The following PCDHGA1 variants were observed in gnomAD, a reference collection of about 807,000 sequenced individuals.
The protein encoded by PCDHGA1 is protocadherin gamma-A1.
Under a neutral mutation model 58.0 loss-of-function variants are expected in PCDHGA1, and 32 were observed. The observed-to-expected ratio is 0.55, with a 90% CI of 0.42 to 0.74. The LOEUF (loss-of-function observed/expected upper bound fraction) is 0.74, where lower values mean the gene tolerates loss of function less well. Among genes scored for constraint, PCDHGA1 ranks in the 30% least tolerant of loss-of-function variants. PCDHGA1 has a pLI of 0.00. For missense variants in PCDHGA1, 1,205 were observed against 1,182.3 expected (o/e 1.02, Z -0.28); for synonymous variants, 498 against 501.1 (o/e 0.99, Z 0.08).
Position 141,376,227 on chromosome 5 carries a change from G to T in PCDHGA1, c.2421+43122G>T, listed in dbSNP as rs1210093854. On this transcript the variant is annotated intron_variant, in intron 1 of 3. Coordinates refer to ENST00000517417, the MANE Select transcript of PCDHGA1 (RefSeq NM_018912.3). ...TTCGTCATCGTGCTGCTGGCGCTCA[G>T]ACTGCAGCGCTGGCACAAGTCACGC... The T allele has an allele frequency of 4.3e-6, 7 of 1,614,216 alleles. No homozygotes were observed. The South Asian group carries it at 7.7e-5, about 18-fold the overall frequency.
At chr5:141,365,068 G>C in intron 1 of PCDHGA1, 1 of 1,613,812 alleles carries the variant, frequency 6.2e-7, no homozygotes, top group South Asian at 1.1e-5. Flanking sequence ...CCCCATCCGA[G>C]TACAGCGTGA....
intron 1 of PCDHGA1, 133 bp downstream of exon 1, chr5:141,333,238 C>A (rs570890793): frequency 2.3e-6 from 3 of 1,319,250 alleles, no homozygotes; most frequent in African/African-American, 3.0e-5. Flanking sequence ...ACAAGTCCTG[C>A]AAAATCACGA....
At chr5:141,383,401 CAG>C (rs1246270441) in intron 1 of PCDHGA1, 1 of 1,614,016 alleles carries the variant, frequency 6.2e-7, no homozygotes. Context: ...GAACTCCCTC[CAG>C]AGTTACCAGC....
chr5:141,456,701 G>A lies in PCDHGA1; in HGVS notation c.2422-38106G>A, dbSNP rs370086323. ...CATTACTGGCCAGGCGTGGTGGCTC[G>A]CGCCTGTAATCCCAGCACTTTGGGA... On this transcript the variant is annotated intron_variant, in intron 1 of 3. Transcript: ENST00000517417. 2.3e-4 allele frequency among the ~76,000 whole-genome samples: 35 copies of A among 152,106 alleles called. No homozygotes were observed. The South Asian group carries it at 4.8e-3, about 21-fold the overall frequency.
chr5:141,506,870 G>A (rs2099856877), intron 3 of PCDHGA1, among the ~76,000 whole-genome samples: 1 of 152,166 alleles, frequency 6.6e-6, no homozygotes, highest in East Asian at 1.9e-4. Flanking sequence ...GGTGGGTAGA[G>A]AACCAGGTGA....
chr5:141,384,652 G>T (rs372721131), intron 1 of PCDHGA1: 1 of 1,614,228 alleles, frequency 6.2e-7, no homozygotes, highest in South Asian at 1.1e-5. Context: ...CGCAGAGCCC[G>T]GCTACCTGGT....
intron 1 of PCDHGA1, chr5:141,366,190 G>T (rs758700678): frequency 3.1e-6 from 5 of 1,613,816 alleles, no homozygotes; most frequent in African/African-American, 1.3e-5. Context: ...TTGCGGTTGG[G>T]CTGCACACGG....
intron 1 of PCDHGA1, among the ~76,000 whole-genome samples, chr5:141,450,088 C>T (rs1358812478): frequency 1.3e-5 from 2 of 148,484 alleles, no homozygotes; most frequent in East Asian, 2.0e-4. Context: ...CTCACTGCAA[C>T]CTCCGCCTCC....
chr5:141,407,981 C>G, intron 1 of PCDHGA1: 4 of 770,010 alleles, frequency 5.2e-6, no homozygotes, highest in Non-Finnish European at 7.8e-6. Flanking sequence ...GCCGGGGATC[C>G]GTCAGCCTCT....
chr5:141,483,811 C>A (rs1252197546), intron 1 of PCDHGA1, among the ~76,000 whole-genome samples: 1 of 152,102 alleles, frequency 6.6e-6, no homozygotes, highest in Non-Finnish European at 1.5e-5. Flanking sequence ...CTTTTTTTGG[C>A]AGCCAGTGTA....
chr5:141,396,295 AG>A (rs1561657375), intron 1 of PCDHGA1: 1 of 151,978 alleles, frequency 6.6e-6, no homozygotes, highest in African/African-American at 2.4e-5. Flanking sequence ...ACTCCAGCCT[AG>A]GTGGCAGAAC....
chr5:141,506,266 T>A (rs1397052417), intron 3 of PCDHGA1, among the ~76,000 whole-genome samples: 1 of 151,862 alleles, frequency 6.6e-6, no homozygotes, highest in Non-Finnish European at 1.5e-5. Context: ...CTGGCCAACA[T>A]AGTGAAACCC....
In PCDHGA1 at chr5:141,491,552, G is replaced by A. The variant is rs769927075; in HGVS notation, c.2422-3255G>A. 1 of 1,614,008 alleles carries A rather than the reference G, an allele frequency of 6.2e-7. No individual in the cohort carries two copies. The highest frequency in any genetic ancestry group is 1.7e-5 in the Admixed American group (1 of 60,024). On this transcript the variant is annotated intron_variant, in intron 1 of 3. Coordinates refer to ENST00000517417, the MANE Select transcript of PCDHGA1 (RefSeq NM_018912.3). This position sits in a 1 kb window ranked among gnomAD's most constrained non-coding sequence, Gnocchi z 6.9. Reference sequence around the variant, plus strand: ...ACGCTGCGGCCCACAGACTCGCAGAGCCACTGCTACAGGACGTGCTTTTCA... The same window carrying A: ...ACGCTGCGGCCCACAGACTCGCAGAACCACTGCTACAGGACGTGCTTTTCA...
chr5:141,434,938 A>G (rs938787407), intron 1 of PCDHGA1, among the ~76,000 whole-genome samples: 2 of 151,738 alleles, frequency 1.3e-5, no homozygotes, highest in Admixed American at 1.3e-4. Flanking sequence ...TATATAATAG[A>G]TATAATTTAT....
At chr5:141,446,208 G>GAT (rs1387839424) in intron 1 of PCDHGA1, among the ~76,000 whole-genome samples, 1 of 152,156 alleles carries the variant, frequency 6.6e-6, no homozygotes, top group Non-Finnish European at 1.5e-5. Context: ...CTAGGTGTCT[G>GAT]AAAATATTGT....
intron 1 of PCDHGA1, chr5:141,417,697 C>T: frequency 8.8e-7 from 1 of 1,140,966 alleles, no homozygotes; most frequent in Non-Finnish European, 1.2e-6. Context: ...AAAACCAGCT[C>T]CCACACAGAG....
chr5:141,360,603 A>G, intron 1 of PCDHGA1: 1 of 1,614,056 alleles, frequency 6.2e-7, no homozygotes, highest in Non-Finnish European at 8.5e-7. Flanking sequence ...CACTTGACCC[A>G]GCCCTGGATT....
At chr5:141,385,260 A>G (rs1337413063) in intron 1 of PCDHGA1, 1 of 1,613,648 alleles carries the variant, frequency 6.2e-7, no homozygotes, top group African/African-American at 1.3e-5. Flanking sequence ...GCTGTGAGAA[A>G]AATGATTCTT....
At chr5:141,389,542 G>C in intron 1 of PCDHGA1, 1 of 1,613,198 alleles carries the variant, frequency 6.2e-7, no homozygotes, top group Non-Finnish European at 8.5e-7. Flanking sequence ...GTGGACGACC[G>C]CAACGACAAT....
Sources: gnomAD v4.1 joint callset for allele counts (sites outside exome capture counted in the v4.1 genomes callset) on GRCh38, gnomAD v4.1.1 for gene constraint, Gnocchi (gnomAD v3.1) non-coding constraint, MANE v1.5 for transcripts, NCBI Gene and HGNC (gene_info 2026-07-23, HGNC 2026-07-21) for gene names.